The following ABI3BP variants were observed in gnomAD, a reference collection of about 807,000 sequenced individuals.
ABI3BP encodes ABI family member 3 binding protein, also known as target of Nesh-SH3.
Under a neutral mutation model 268.6 loss-of-function variants are expected in ABI3BP, and 216 were observed. The ratio of observed to expected loss-of-function variants is 0.80; its 90% CI spans 0.72 to 0.90. ABI3BP has a LOEUF of 0.90. Among genes scored for constraint, ABI3BP ranks in the 40% least tolerant of loss-of-function variants. The pLI, the probability that ABI3BP is intolerant of heterozygous loss-of-function variation, is 0.00. For missense variants in ABI3BP, 2,090 were observed against 2,182.4 expected (o/e 0.96, Z 0.84); for synonymous variants, 730 against 730.0 (o/e 1.00, Z 0.00).
chr3:100,918,488 TA>T (rs2059347919), intron 2 of ABI3BP, among the ~76,000 whole-genome samples: 1 of 151,890 alleles, frequency 6.6e-6, no homozygotes, highest in African/African-American at 2.4e-5. Context: ...CACACAAAAA[TA>T]AAAACAAATA....
Position 100,851,892 on chromosome 3 carries a change from A to T in ABI3BP, c.1334T>A (p.Ile445Lys). Reference sequence around the variant, plus strand: ...AGATATACCTGTGTAGGAATCTGATATCTCAGGCTCATCTGATGTTGTAGG... The same window carrying T: ...AGATATACCTGTGTAGGAATCTGATTTCTCAGGCTCATCTGATGTTGTAGG... ...SSPTTSDEPEISDSYTATSDR... is the reference protein window; with the variant it reads ...SSPTTSDEPEKSDSYTATSDR... Residue 445 changes from isoleucine (I) to lysine (K), a missense_variant, in exon 15 of 68, where the codon ATA becomes AAA. Ile to Lys is a moderately radical substitution (Grantham distance 102). Transcript: ENST00000471714. The T allele has an allele frequency of 6.3e-7, 1 of 1,593,646 alleles. No homozygotes were observed. Among genetic ancestry groups the T allele is most frequent in the East Asian group, 2.2e-5 (1 of 44,464 alleles).
At chr3:100,859,544 G>T (rs2098974448) in intron 14 of ABI3BP, among the ~76,000 whole-genome samples, 1 of 152,136 alleles carries the variant, frequency 6.6e-6, no homozygotes, top group Non-Finnish European at 1.5e-5. Context: ...TATTATGTAT[G>T]TTGAAACTAA....
chr3:100,760,961 G>A (rs191510979), intron 63 of ABI3BP, among the ~76,000 whole-genome samples: 2 of 151,930 alleles, frequency 1.3e-5, no homozygotes, highest in Non-Finnish European at 2.9e-5. Flanking sequence ...GGAGTTCGTT[G>A]TACAGATTAT....
chr3:100,837,233 G>T, intron 26 of ABI3BP, 62 bp from the exon 27 acceptor site: 1 of 1,337,430 alleles, frequency 7.5e-7, no homozygotes, highest in East Asian at 2.6e-5. Flanking sequence ...ACTTTTGGGT[G>T]CTCATTGGTG....
intron 48 of ABI3BP, 55 bp downstream of exon 48, chr3:100,811,175 C>T (rs1194473442): frequency 9.2e-6 from 13 of 1,412,642 alleles, no homozygotes; most frequent in African/African-American, 2.9e-5. Flanking sequence ...GGTTCTCAGG[C>T]GATGGTGGCA....
chr3:100,891,410 T>A (rs2044593638), intron 4 of ABI3BP, among the ~76,000 whole-genome samples: 1 of 152,328 alleles, frequency 6.6e-6, no homozygotes, highest in African/African-American at 2.4e-5. Flanking sequence ...GACAGTATAA[T>A]TTTGAGTATT....
At chr3:100,771,767 C>A (rs546654924) in intron 61 of ABI3BP, among the ~76,000 whole-genome samples, 1 of 152,114 alleles carries the variant, frequency 6.6e-6, no homozygotes, top group East Asian at 1.9e-4. Flanking sequence ...GCTGTGTGGA[C>A]CATTTCTGGT....
At chr3:100,814,646 G>T (rs1001272488) in intron 44 of ABI3BP, among the ~76,000 whole-genome samples, 8 of 152,202 alleles carry the variant, frequency 5.3e-5, no homozygotes, top group Admixed American at 2.0e-4. Flanking sequence ...TGTACTTTAA[G>T]AGGTAAAATG....
At chr3:100,770,674 G>T (rs1419575004) in intron 62 of ABI3BP, 69 bp downstream of exon 62, 4 of 1,362,154 alleles carry the variant, frequency 2.9e-6, no homozygotes, top group Middle Eastern at 5.6e-4. Flanking sequence ...TTGACCCAGG[G>T]TACCCCACTC....
intron 14 of ABI3BP, among the ~76,000 whole-genome samples, chr3:100,860,526 C>A (rs940330312): frequency 1.3e-5 from 2 of 152,140 alleles, no homozygotes; most frequent in South Asian, 2.1e-4. Context: ...CAAAAGAAAC[C>A]TTTCCTTTAT....
intron 19 of ABI3BP, among the ~76,000 whole-genome samples, chr3:100,846,821 GA>G (rs1036799217): frequency 2.0e-5 from 3 of 151,948 alleles, no homozygotes; most frequent in African/African-American, 7.3e-5. Flanking sequence ...GCACTAGGGG[GA>G]AAAAACACCA....
intron 55 of ABI3BP, among the ~76,000 whole-genome samples, chr3:100,790,829 T>A (rs770555315): frequency 6.6e-6 from 1 of 151,974 alleles, no homozygotes; most frequent in African/African-American, 2.4e-5. Context: ...AGAATCATAG[T>A]TCTTGTCTCA....
At chr3:100,926,240 C>T in intron 2 of ABI3BP, 62 bp downstream of exon 2, 1 of 1,537,870 alleles carries the variant, frequency 6.5e-7, no homozygotes, top group Non-Finnish European at 8.9e-7. Context: ...ATTTGTAGGT[C>T]ATGTTACACC....
chr3:100,826,433 C>T (rs2098386214), intron 34 of ABI3BP, among the ~76,000 whole-genome samples: 1 of 152,118 alleles, frequency 6.6e-6, no homozygotes, highest in Admixed American at 6.6e-5. Flanking sequence ...TTTAGCACTA[C>T]ATGAGGCAAA....
rs754084910 is a variant in ABI3BP, at chr3:100,821,048, T to G, written c.2947+6A>C. ...ACACTTAATGAGGATTGCAACGTGC[T>G]ATTACCTTGTGTTGTCACCCAAGTC... is the stretch of plus-strand genomic sequence containing the variant. On this transcript the variant is annotated splice_donor_region_variant and intron_variant, in intron 39 of 67. Transcript: ENST00000471714. 2 of 1,534,982 alleles carry G rather than the reference T, an allele frequency of 1.3e-6. No individual in the cohort carries two copies.
chr3:100,925,573 C>T (rs1315395690), intron 2 of ABI3BP, among the ~76,000 whole-genome samples: 2 of 151,878 alleles, frequency 1.3e-5, no homozygotes, highest in Non-Finnish European at 2.9e-5. Flanking sequence ...AGCTACCGTG[C>T]CTGGTAAATT....
chr3:100,976,864 A>G (rs2086479607), intron 1 of ABI3BP, among the ~76,000 whole-genome samples: 1 of 148,150 alleles, frequency 6.7e-6, no homozygotes, highest in African/African-American at 2.5e-5. Flanking sequence ...TAGCAGGACC[A>G]ATACAGATCC....
chr3:100,839,446 G>T (rs560884731), intron 24 of ABI3BP, 123 bp downstream of exon 24: 2 of 1,053,328 alleles, frequency 1.9e-6, no homozygotes, highest in South Asian at 1.4e-5. Flanking sequence ...CAGGAAAGGT[G>T]AGGAAAAGCG....
At chr3:100,770,168 T>C (rs2096495341) in intron 62 of ABI3BP, among the ~76,000 whole-genome samples, 1 of 152,226 alleles carries the variant, frequency 6.6e-6, no homozygotes, top group African/African-American at 2.4e-5. Flanking sequence ...CGTTTGACTA[T>C]CCTCTTCGTT....
Sources: gnomAD v4.1 joint callset for allele counts (sites outside exome capture counted in the v4.1 genomes callset) on GRCh38, gnomAD v4.1.1 for gene constraint, MANE v1.5 for transcripts, NCBI Gene and HGNC (gene_info 2026-07-23, HGNC 2026-07-21) for gene names.